The following SPMIP2 variants were observed in gnomAD, a reference collection of about 807,000 sequenced individuals.
The protein encoded by SPMIP2 is sperm microtubule inner protein 2, also known as protein SPMIP2.
the SPMIP2 span, among the ~76,000 whole-genome samples, chr4:158,990,829 G>A: frequency 0.63 from 95,752 of 151,984 alleles, 30,517 homozygotes; most frequent in Middle Eastern, 0.71. Flanking sequence ...TCATGTGTAA[G>A]CAAACCTGCA....
chr4:158,965,816 T>C, the SPMIP2 span, among the ~76,000 whole-genome samples: 1 of 152,210 alleles, frequency 6.6e-6, no homozygotes, highest in African/African-American at 2.4e-5. Flanking sequence ...GAGAATAGAA[T>C]AGATTCCAGT....
chr4:159,013,231 C>A, the SPMIP2 span, among the ~76,000 whole-genome samples: 1 of 152,274 alleles, frequency 6.6e-6, no homozygotes, highest in South Asian at 2.1e-4. Context: ...CATCCCAGTT[C>A]TGGGTATATA....
the SPMIP2 span, among the ~76,000 whole-genome samples, chr4:159,012,792 C>T: frequency 3.9e-5 from 6 of 151,938 alleles, no homozygotes; most frequent in Non-Finnish European, 7.4e-5. Flanking sequence ...AGGGTGGTCT[C>T]GAACTCCTGG....
At chr4:159,059,035 G>A in the SPMIP2 span, among the ~76,000 whole-genome samples, 2 of 152,212 alleles carry the variant, frequency 1.3e-5, no homozygotes, top group Admixed American at 1.3e-4. Flanking sequence ...CTTGAACATA[G>A]ACACAATCTG....
At chr4:158,995,240 T>G in the SPMIP2 span, among the ~76,000 whole-genome samples, 38 of 152,184 alleles carry the variant, frequency 2.5e-4, 1 homozygote, top group Non-Finnish European at 8.8e-5. Context: ...TTTTTGTTTT[T>G]TTGTAGTCAA....
chr4:159,047,688 C>G, the SPMIP2 span, among the ~76,000 whole-genome samples: 2 of 152,120 alleles, frequency 1.3e-5, no homozygotes, highest in Admixed American at 6.5e-5. Context: ...CTGCGCTGTA[C>G]CAAACAAGCT....
At chr4:158,981,915 AAAGACAC>A in the SPMIP2 span, among the ~76,000 whole-genome samples, 2 of 152,120 alleles carry the variant, frequency 1.3e-5, no homozygotes, top group Admixed American at 1.3e-4. Flanking sequence ...GCCCCAATTA[AAAGACAC>A]AAGACTGGAA....
At chr4:159,029,779 T>A in the SPMIP2 span, among the ~76,000 whole-genome samples, 1 of 152,226 alleles carries the variant, frequency 6.6e-6, no homozygotes, top group Admixed American at 6.5e-5. Context: ...GTTCTGGTTA[T>A]CCAATAGATT....
chr4:158,957,968 G>A, the SPMIP2 span, among the ~76,000 whole-genome samples: 1 of 152,048 alleles, frequency 6.6e-6, no homozygotes. Flanking sequence ...TAAAACATTT[G>A]CTTTTGAGAA....
At chr4:158,938,669 TC>T in the SPMIP2 span, among the ~76,000 whole-genome samples, 1 of 152,236 alleles carries the variant, frequency 6.6e-6, no homozygotes, top group African/African-American at 2.4e-5. Flanking sequence ...CAGCTGGGCT[TC>T]TAGTTACACC....
chr4:159,057,857 T>C, the SPMIP2 span, among the ~76,000 whole-genome samples: 1 of 152,184 alleles, frequency 6.6e-6, no homozygotes, highest in Non-Finnish European at 1.5e-5. Flanking sequence ...ATGGCAATTG[T>C]AAGTTGGTTG....
the SPMIP2 span, among the ~76,000 whole-genome samples, chr4:158,987,406 G>T: frequency 1.1e-4 from 16 of 152,048 alleles, no homozygotes; most frequent in Non-Finnish European, 2.2e-4. Context: ...TGATAGACTG[G>T]ATTAAGAATA....
At chr4:158,904,775 C>T in the SPMIP2 span, 1 of 495,354 alleles carries the variant, frequency 2.0e-6, no homozygotes, top group Non-Finnish European at 3.6e-6. Flanking sequence ...CATTTGTTAC[C>T]CATGAATCAA....
the SPMIP2 span, among the ~76,000 whole-genome samples, chr4:159,020,570 CTT>C: frequency 6.6e-6 from 1 of 152,158 alleles, no homozygotes; most frequent in Non-Finnish European, 1.5e-5. Context: ...GTAAGGGAGT[CTT>C]TTCCTTTCCA....
At chr4:158,893,849 A>T in the SPMIP2 span, 1 of 602,144 alleles carries the variant, frequency 1.7e-6, no homozygotes, top group Non-Finnish European at 2.9e-6. Flanking sequence ...ATAAATTGTT[A>T]TAGTTAATTC....
At chr4:159,022,773 T>C in the SPMIP2 span, among the ~76,000 whole-genome samples, 1 of 152,190 alleles carries the variant, frequency 6.6e-6, no homozygotes, top group African/African-American at 2.4e-5. Flanking sequence ...GGCTCACGCC[T>C]GTAATCCCAG....
the SPMIP2 span, among the ~76,000 whole-genome samples, chr4:158,950,045 C>A: frequency 1.3e-5 from 2 of 152,150 alleles, no homozygotes; most frequent in African/African-American, 4.8e-5. Flanking sequence ...CCTCTTGACC[C>A]CGAACCCCAT....
chr4:159,077,183 C>A, the SPMIP2 span, among the ~76,000 whole-genome samples: 2 of 151,740 alleles, frequency 1.3e-5, no homozygotes, highest in South Asian at 2.1e-4. Flanking sequence ...TCTTGTTGCG[C>A]AGGCTGGAGT....
chr4:158,955,981 C>T, the SPMIP2 span, among the ~76,000 whole-genome samples: 1 of 152,188 alleles, frequency 6.6e-6, no homozygotes, highest in Non-Finnish European at 1.5e-5. Context: ...CCTACTTTTC[C>T]TATACTGCTT....
Sources: gnomAD v4.1 joint callset for allele counts (sites outside exome capture counted in the v4.1 genomes callset) on GRCh38, gnomAD v4.1.1 for gene constraint, MANE v1.5 for transcripts, NCBI Gene and HGNC (gene_info 2026-07-23, HGNC 2026-07-21) for gene names.